HDAC9: variants seen among roughly 807,000 people sequenced by gnomAD.
HDAC9 encodes histone deacetylase 9, also known as MEF-2 interacting transcription repressor (MITR) protein.
In HDAC9, 41 loss-of-function variants were observed where a neutral mutation model predicts 139.4. The observed-to-expected ratio is 0.29, with a 90% CI of 0.23 to 0.38. The LOEUF (loss-of-function observed/expected upper bound fraction) is 0.38, where lower values mean the gene tolerates loss of function less well. HDAC9 is among the 10% of genes least tolerant of loss of function. The pLI is 1.00. For synonymous variants in HDAC9, 517 were observed against 476.2 expected, an observed-to-expected ratio of 1.09 and a Z score of -1.12; for missense variants, 1,147 against 1,297.0, an observed-to-expected ratio of 0.88 and a Z score of 1.78.
intron 14 of HDAC9, among the ~76,000 whole-genome samples, chr7:18,755,541 A>C (rs1003919342): frequency 2.0e-5 from 3 of 152,166 alleles, no homozygotes; most frequent in African/African-American, 7.2e-5. Context: ...AAAGCTTTAA[A>C]TTCAACCATT....
intron 1 of HDAC9, among the ~76,000 whole-genome samples, chr7:18,437,898 T>A (rs1483272752): frequency 6.6e-6 from 1 of 151,220 alleles, no homozygotes; most frequent in South Asian, 2.1e-4. Flanking sequence ...TTTCTGAACA[T>A]TTACACACAT....
chr7:18,147,979 C>T (rs1314485644), intron 1 of HDAC9, among the ~76,000 whole-genome samples: 10 of 152,082 alleles, frequency 6.6e-5, no homozygotes, highest in Non-Finnish European at 1.0e-4. Flanking sequence ...ACAGTTTTCA[C>T]ATATTCATTC....
At chr7:18,417,513 T>G (rs1789196255) in intron 1 of HDAC9, among the ~76,000 whole-genome samples, 3 of 152,220 alleles carry the variant, frequency 2.0e-5, no homozygotes, top group African/African-American at 7.2e-5. Flanking sequence ...CTAGATATTT[T>G]CATACTCCTA....
chr7:18,789,158 A>G (rs1369851921), intron 16 of HDAC9, among the ~76,000 whole-genome samples: 2 of 152,048 alleles, frequency 1.3e-5, no homozygotes, highest in Admixed American at 1.3e-4. Flanking sequence ...CAAAATCTGT[A>G]TTTTTATGTA....
intron 24 of HDAC9, among the ~76,000 whole-genome samples, chr7:18,957,256 CTA>C (rs1462450751): frequency 2.6e-5 from 4 of 152,058 alleles, no homozygotes; most frequent in African/African-American, 7.2e-5. Flanking sequence ...GTGGTTATAA[CTA>C]TGTGTCTTAG....
chr7:18,639,417 C>T (rs1167097827), intron 8 of HDAC9, among the ~76,000 whole-genome samples: 3 of 151,964 alleles, frequency 2.0e-5, no homozygotes, highest in Admixed American at 2.0e-4. Flanking sequence ...ACATCAGTGC[C>T]TTTCAAATGC....
At chr7:18,579,858 G>A (rs1414650046) in intron 2 of HDAC9, among the ~76,000 whole-genome samples, 5 of 151,888 alleles carry the variant, frequency 3.3e-5, no homozygotes, top group Admixed American at 3.3e-4. Flanking sequence ...CTTTGAGAAG[G>A]GCCATATGGT....
At chr7:18,399,468 G>T (rs1787342971) in intron 1 of HDAC9, among the ~76,000 whole-genome samples, 1 of 152,104 alleles carries the variant, frequency 6.6e-6, no homozygotes, top group Non-Finnish European at 1.5e-5. Flanking sequence ...TTAAAATTCG[G>T]ACACAAATGG....
intron 22 of HDAC9, among the ~76,000 whole-genome samples, chr7:18,925,546 T>G (rs1804141433): frequency 6.6e-6 from 1 of 152,116 alleles, no homozygotes; most frequent in Non-Finnish European, 1.5e-5. Flanking sequence ...CCACAATTAT[T>G]TTTTGAGTCC....
intron 1 of HDAC9, among the ~76,000 whole-genome samples, chr7:18,452,127 T>C (rs1487787588): frequency 2.0e-5 from 3 of 152,210 alleles, no homozygotes; most frequent in East Asian, 3.9e-4. Flanking sequence ...TGAGTGGCCA[T>C]TGGGCAGATT....
intron 1 of HDAC9, among the ~76,000 whole-genome samples, chr7:18,423,833 G>A (rs949081122): frequency 1.2e-4 from 19 of 152,178 alleles, no homozygotes; most frequent in African/African-American, 4.3e-4. Flanking sequence ...CATTATATGG[G>A]CCAAAGCAAG....
At chr7:18,115,588 C>G (rs988577923) in intron 1 of HDAC9, among the ~76,000 whole-genome samples, 27 of 152,110 alleles carry the variant, frequency 1.8e-4, no homozygotes, top group African/African-American at 5.8e-4. Context: ...GAGGGAGTTA[C>G]TATTATTTTC....
intron 12 of HDAC9, among the ~76,000 whole-genome samples, chr7:18,694,174 T>A (rs1265691443): frequency 1.3e-5 from 2 of 152,198 alleles, no homozygotes; most frequent in Non-Finnish European, 2.9e-5. Flanking sequence ...TGCCTCATCA[T>A]GCAATAAATG....
chr7:18,426,159 A>G (rs967556493), intron 1 of HDAC9, among the ~76,000 whole-genome samples: 4 of 152,254 alleles, frequency 2.6e-5, no homozygotes, highest in Non-Finnish European at 1.5e-5. Flanking sequence ...TAAATCAGAT[A>G]GAGTAATTCC....
At chr7:18,106,027 A>G (rs13438102) in intron 1 of HDAC9, among the ~76,000 whole-genome samples, 2,787 of 152,330 alleles carry the variant, frequency 0.018, 85 homozygotes, top group African/African-American at 0.064. Context: ...CAAAGACTAA[A>G]GGTAGAATAG....
intron 1 of HDAC9, among the ~76,000 whole-genome samples, chr7:18,467,885 A>G (rs759530946): frequency 1.3e-5 from 2 of 152,120 alleles, no homozygotes; most frequent in Admixed American, 1.3e-4. Flanking sequence ...CCTCTGGTCC[A>G]TGCCATTTTC....
chr7:18,853,801 G>T (rs976219859), intron 21 of HDAC9, among the ~76,000 whole-genome samples: 1 of 152,082 alleles, frequency 6.6e-6, no homozygotes, highest in African/African-American at 2.4e-5. Flanking sequence ...AAATTTCAAG[G>T]AAATTAAATT....
chr7:18,577,960 G>C (rs1186601674), intron 2 of HDAC9, among the ~76,000 whole-genome samples: 1 of 152,024 alleles, frequency 6.6e-6, no homozygotes, highest in Non-Finnish European at 1.5e-5. Flanking sequence ...CTTGGCAGCT[G>C]TCCCCTCTCC....
chr7:18,405,669 A>G (rs1029155729), intron 1 of HDAC9, among the ~76,000 whole-genome samples: 7 of 149,034 alleles, frequency 4.7e-5, no homozygotes, highest in Non-Finnish European at 7.4e-5. Context: ...TCAAGAGAGA[A>G]AAAAAAAATA....
Sources: gnomAD v4.1 joint callset for allele counts (sites outside exome capture counted in the v4.1 genomes callset) on GRCh38, gnomAD v4.1.1 for gene constraint, MANE v1.5 for transcripts, NCBI Gene and HGNC (gene_info 2026-07-23, HGNC 2026-07-21) for gene names.